The following ARPC5L variants were observed in gnomAD, a reference collection of about 807,000 sequenced individuals.
ARPC5L encodes actin-related protein 2/3 complex subunit 5-like protein.
In ARPC5L, 4 loss-of-function variants were observed where a neutral mutation model predicts 16.9. That is an observed-to-expected ratio of 0.24 (90% CI 0.12 to 0.54). The LOEUF is 0.54. ARPC5L is among the 20% of genes least tolerant of loss of function. The pLI is 0.95. For missense variants in ARPC5L, 151 were observed against 201.9 expected, an observed-to-expected ratio of 0.75 and a Z score of 1.53; for synonymous variants, 78 against 82.6, an observed-to-expected ratio of 0.94 and a Z score of 0.30.
intron 2 of ARPC5L, among the ~76,000 whole-genome samples, chr9:124,865,643 A>T (rs1829258362): frequency 6.6e-6 from 1 of 151,164 alleles, no homozygotes; most frequent in Non-Finnish European, 1.5e-5. Flanking sequence ...TACAAAAAAA[A>T]TTAGCCGGGC....
rs1829314656 is a variant in ARPC5L, at chr9:124,869,143, GGCGGCGGCTGCGC to G, written c.-143_-131del. The G allele has an allele frequency of 4.2e-6, 4 of 963,846 alleles. No individual in the cohort carries two copies. Among genetic ancestry groups the G allele is most frequent in the Non-Finnish European group, 5.4e-6 (4 of 735,972 alleles). 59.7% of individuals were successfully genotyped at this position (963,846 alleles called of 1,614,324 possible). On this transcript the variant is annotated 5_prime_UTR_variant, in exon 3 of 6. Coordinates refer to ENST00000353214, the MANE Select transcript of ARPC5L (RefSeq NM_030978.3). ...CGGCGGGTGCCGGAAGTGGGCGGGC[GGCGGCGGCTGCGC>G]GCGGAGGCGGTGGAGGAGGTGCTGG...
In ARPC5L at chr9:124,873,735, C is replaced by T; in HGVS notation, c.193C>T (p.Pro65Ser). Residue 65 changes from proline (P) to serine (S), a missense_variant, in exon 4 of 6, where the codon CCC (proline) becomes TCC (serine). Physicochemically the swap from Pro to Ser is moderately conservative, Grantham distance 74 (BLOSUM62 -1). Transcript: ENST00000353214. Reference sequence around the variant, plus strand: ...ATTCCATGCAGCCTTGCGGAACTCTCCCGTCAACACCAAGAATCAAGCTGT... The same window carrying T: ...ATTCCATGCAGCCTTGCGGAACTCTTCCGTCAACACCAAGAATCAAGCTGT... ...RAFHAALRNSPVNTKNQAVKE... is the reference protein window; with the variant it reads ...RAFHAALRNSSVNTKNQAVKE... 6.2e-7 allele frequency: 1 copy of T among 1,614,186 alleles called. No individual in the cohort carries two copies. Among genetic ancestry groups the T allele is most frequent in the South Asian group, 1.1e-5 (1 of 91,080 alleles).
At chr9:124,868,262 G>C (rs1829299029) in intron 2 of ARPC5L, among the ~76,000 whole-genome samples, 166 bp from the exon 3 acceptor site, 1 of 152,122 alleles carries the variant, frequency 6.6e-6, no homozygotes. Flanking sequence ...ATTAAAAAGA[G>C]TACTATTAGA....
In ARPC5L at chr9:124,868,808, G is replaced by C. The variant is rs1276794096; in HGVS notation, c.-483G>C. ...GGTTTCTTCTCCAAGAAGCCTGCCC[G>C]GCACTCGAGAAGTAGAGCCGCGAGC... On this transcript the variant is annotated 5_prime_UTR_variant, in exon 3 of 6. Coordinates refer to ENST00000353214, the MANE Select transcript of ARPC5L (RefSeq NM_030978.3). The C allele has an allele frequency of 6.5e-6, 1 of 153,852 alleles. No homozygotes were observed. Among genetic ancestry groups the C allele is most frequent in the African/African-American group, 2.4e-5 (1 of 41,530 alleles). 9.5% of individuals were successfully genotyped at this position (153,852 alleles called of 1,614,324 possible).
At chr9:124,871,174 C>T (rs1829352875) in intron 3 of ARPC5L, among the ~76,000 whole-genome samples, 1 of 152,026 alleles carries the variant, frequency 6.6e-6, no homozygotes, top group Non-Finnish European at 1.5e-5. Context: ...TTGGGGAGGG[C>T]AGAGAGGGGC....
chr9:124,877,285 T>C lies in ARPC5L; in HGVS notation c.*345T>C. 1 of 243,050 alleles carries C rather than the reference T, an allele frequency of 4.1e-6. No homozygotes were observed. The highest frequency in any genetic ancestry group is 7.9e-6 in the Non-Finnish European group (1 of 126,688). The allele number at this position is 243,050 out of a possible 1,614,324, so 15.1% of individuals were successfully genotyped here. On this transcript the variant is annotated 3_prime_UTR_variant, in exon 6 of 6. Transcript: ENST00000353214. ...CAAGGGCTGTGGTAAACGGGAGAGC[T>C]TGTGTTTTTGAAGTGGAAAAAAACC...
intron 5 of ARPC5L, among the ~76,000 whole-genome samples, chr9:124,875,541 T>TA: frequency 6.6e-6 from 1 of 152,102 alleles, no homozygotes; most frequent in Non-Finnish European, 1.5e-5. Flanking sequence ...TTCTTAGAAA[T>TA]AGAGTCCTCC....
At chr9:124,876,852 C>CA (rs769130338) in intron 5 of ARPC5L, 26 bp from the exon 6 acceptor site, 9 of 1,604,464 alleles carry the variant, frequency 5.6e-6, no homozygotes, top group Middle Eastern at 1.7e-4. Flanking sequence ...TCTCATCTGA[C>CA]ACGTTTTCTT....
intron 5 of ARPC5L, among the ~76,000 whole-genome samples, chr9:124,876,486 C>CA (rs958157906): frequency 1.3e-5 from 2 of 151,754 alleles, no homozygotes; most frequent in African/African-American, 2.4e-5. Context: ...AACTCCGTCT[C>CA]AAAAAAAATA....
In ARPC5L at chr9:124,871,016, T is replaced by A. The variant is rs192167616; in HGVS notation, c.149+1577T>A. Among the ~76,000 whole-genome samples, 201 of 152,230 alleles carry A rather than the reference T, an allele frequency of 1.3e-3. 3 individuals are homozygous for A. The highest frequency in any genetic ancestry group is 4.5e-3 in the African/African-American group (185 of 41,522). On this transcript the variant is annotated intron_variant, in intron 3 of 5. Transcript: ENST00000353214. Reference sequence around the variant, plus strand: ...GGTTGGGGAAAGGGAGGTTAACGGATAAAGGTAACTGAAACCCTGGCAAAT... The same window carrying A: ...GGTTGGGGAAAGGGAGGTTAACGGAAAAAGGTAACTGAAACCCTGGCAAAT...
intron 4 of ARPC5L, among the ~76,000 whole-genome samples, chr9:124,874,681 C>T (rs1829406610): frequency 6.6e-6 from 1 of 150,726 alleles, no homozygotes; most frequent in Non-Finnish European, 1.5e-5. Flanking sequence ...GACCCTGCCC[C>T]TCCCTCCCTC....
intron 2 of ARPC5L, among the ~76,000 whole-genome samples, chr9:124,865,329 A>AAT (rs1313489633): frequency 6.6e-6 from 1 of 151,470 alleles, no homozygotes; most frequent in East Asian, 2.0e-4. Flanking sequence ...AAAAAAAAAA[A>AAT]AAAAAAAGGA....
At chr9:124,869,782 C>T (rs1193859884) in intron 3 of ARPC5L, among the ~76,000 whole-genome samples, 1 of 152,234 alleles carries the variant, frequency 6.6e-6, no homozygotes, top group Non-Finnish European at 1.5e-5. Context: ...GGGGCCCCAG[C>T]ACTCCGTCCC....
chr9:124,868,981 C>G lies in ARPC5L; in HGVS notation c.-310C>G, dbSNP rs951468881. The G allele has an allele frequency of 7.2e-6, 2 of 278,884 alleles. No homozygotes were observed. Among genetic ancestry groups the G allele is most frequent in the Non-Finnish European group, 1.3e-5 (2 of 149,798 alleles). The allele number at this position is 278,884 out of a possible 1,614,324, so 17.3% of individuals were successfully genotyped here. A position where few individuals can be genotyped will look rare whatever the true frequency, so the allele number is the denominator to read the frequency against. ...CGGCACACACGAGGCGGGGCCTGCA[C>G]AGATGCCGGGCGCCCGATCCTCAGT... On this transcript the variant is annotated 5_prime_UTR_variant, in exon 3 of 6. Transcript: ENST00000353214.
intron 3 of ARPC5L, chr9:124,873,098 A>G (rs1393313187): frequency 2.6e-5 from 4 of 152,506 alleles, no homozygotes; most frequent in Non-Finnish European, 1.5e-5. Flanking sequence ...TCAGGATTGC[A>G]ACTGAGGTTG....
chr9:124,865,750 G>A (rs975410698), intron 2 of ARPC5L, among the ~76,000 whole-genome samples: 7 of 151,836 alleles, frequency 4.6e-5, no homozygotes, highest in Non-Finnish European at 8.8e-5. Context: ...CCAAGATTGC[G>A]CCACTTCACT....
rs1051358 is a variant in ARPC5L, at chr9:124,877,416, C to T, written c.*476C>T. 16,134 of 155,784 alleles carry T rather than the reference C, an allele frequency of 0.1. 1,089 individuals are homozygous for T. Among genetic ancestry groups the T allele is most frequent in the Non-Finnish European group, 0.15 (10,568 of 70,396 alleles). 9.7% of individuals were successfully genotyped at this position (155,784 alleles called of 1,614,324 possible). A position where few individuals can be genotyped will look rare whatever the true frequency, so the allele number is the denominator to read the frequency against. On this transcript the variant is annotated 3_prime_UTR_variant, in exon 6 of 6. Coordinates refer to ENST00000353214, the MANE Select transcript of ARPC5L (RefSeq NM_030978.3). ...AAAGCTCTTGGCTTATTAGTCTATACATTGCGGTGTGTTTCGTGTATGTAA... is the reference window on the plus strand; with the variant it reads ...AAAGCTCTTGGCTTATTAGTCTATATATTGCGGTGTGTTTCGTGTATGTAA...
rs1161422996 is a variant in ARPC5L at position 124,869,351 on chromosome 9, A to G, written c.61A>G (p.Asn21Asp). 2.6e-6 allele frequency: 4 copies of G among 1,530,466 alleles called. No individual in the cohort carries two copies. The African/African-American group carries it at 5.7e-5, about 22-fold the overall frequency. 94.8% of individuals were successfully genotyped at this position (1,530,466 alleles called of 1,614,324 possible). Reference protein sequence around the residue: ...RRVDIDEFDENKFVDEQEEAA... With the variant: ...RRVDIDEFDEDKFVDEQEEAA... ...GGTGGACATCGACGAATTTGACGAG[A>G]ACAAATTTGTGGACGAGCAGGAGGA... Residue 21 changes from asparagine (N) to aspartate (D), a missense_variant, in exon 3 of 6, where the codon AAC becomes GAC. Coordinates refer to ENST00000353214, the MANE Select transcript of ARPC5L (RefSeq NM_030978.3).
At chr9:124,873,824 G>A (rs1398491273) in intron 4 of ARPC5L, 60 bp downstream of exon 4, 2 of 1,590,862 alleles carry the variant, frequency 1.3e-6, no homozygotes, top group African/African-American at 1.3e-5. Context: ...GTGGGTGTCT[G>A]CCCAGTGCGA....
Sources: gnomAD v4.1 joint callset for allele counts (sites outside exome capture counted in the v4.1 genomes callset) on GRCh38, gnomAD v4.1.1 for gene constraint, MANE v1.5 for transcripts, NCBI Gene and HGNC (gene_info 2026-07-23, HGNC 2026-07-21) for gene names.